The following EPHB3 variants were observed in gnomAD, a reference collection of about 807,000 sequenced individuals.
EPHB3 encodes EPH receptor B3.
A neutral mutation model predicts 100.2 loss-of-function variants in EPHB3; 33 were observed. That is an observed-to-expected ratio of 0.33 (90% CI 0.25 to 0.44). EPHB3 has a LOEUF of 0.44. Among genes scored for constraint, EPHB3 ranks in the 20% least tolerant of loss-of-function variants. The probability of loss-of-function intolerance (pLI) is 1.00; values close to 1 mark genes in which losing one functional copy is unlikely to be tolerated. For missense variants in EPHB3, 1,045 were observed against 1,378.3 expected (o/e 0.76, Z 3.83); for synonymous variants, 526 against 554.7 (o/e 0.95, Z 0.73).
At position 184,577,148 on chromosome 3, in the gene EPHB3, G is replaced by T. The variant is rs370732996; in HGVS notation, c.1319G>T (p.Arg440Leu). The T allele has an allele frequency of 1.2e-6, 2 of 1,608,324 alleles. No individual in the cohort carries two copies. Among genetic ancestry groups the T allele is most frequent in the Non-Finnish European group, 1.7e-6 (2 of 1,176,364 alleles). Residue 440 changes from arginine to leucine, a missense_variant, in exon 5 of 16, where the codon CGT becomes CTT. Coordinates refer to ENST00000330394, the MANE Select transcript of EPHB3 (RefSeq NM_004443.4). The surrounding 1 kb of genome is among the most constrained non-coding windows in gnomAD (Gnocchi z 4.9). Reference sequence around the variant, plus strand: ...TCGGGCAAGAGCCCTCTGCCGCCTCGTTATGCGGCCGTGAATATCACCACA... The same window carrying T: ...TCGGGCAAGAGCCCTCTGCCGCCTCTTTATGCGGCCGTGAATATCACCACA... ...GVSGKSPLPP[R>L]YAAVNITTNQ... is the part of the protein sequence containing the mutation.
At chr3:184,576,033 G>A in intron 4 of EPHB3, 48 bp downstream of exon 4, 1 of 1,551,272 alleles carries the variant, frequency 6.4e-7, no homozygotes. Context: ...CTTCCCTCTG[G>A]GGGGCCAGCC....
intron 1 of EPHB3, among the ~76,000 whole-genome samples, chr3:184,570,446 C>T (rs1254542967): frequency 6.6e-6 from 1 of 152,204 alleles, no homozygotes; most frequent in Non-Finnish European, 1.5e-5. Context: ...AGGGATACAC[C>T]AACAGTACCT....
At position 184,577,488 on chromosome 3, in the gene EPHB3, G is replaced by C; in HGVS notation, c.1479+21G>C. On this transcript the variant is annotated intron_variant, in intron 6 of 15. Coordinates refer to ENST00000330394, the MANE Select transcript of EPHB3 (RefSeq NM_004443.4). The surrounding 1 kb of genome is among the most constrained non-coding windows in gnomAD (Gnocchi z 4.9). ...AGAAGGTCAGAACCTCAAGGGGCAG[G>C]AGGAGGCCTTGGGCTGAGCTGGGCT... 1.2e-6 allele frequency: 2 copies of C among 1,613,670 alleles called. No individual in the cohort carries two copies. Among genetic ancestry groups the C allele is most frequent in the Non-Finnish European group, 8.5e-7 (1 of 1,179,866 alleles).
rs549345218 is a variant in EPHB3, at chr3:184,563,588, C to T, written c.118+1235C>T. On this transcript the variant is annotated intron_variant, in intron 1 of 15. Coordinates refer to ENST00000330394, the MANE Select transcript of EPHB3 (RefSeq NM_004443.4). The surrounding 1 kb of genome is among the most constrained non-coding windows in gnomAD (Gnocchi z 4.1). ...AGACCTCCTATGATCCCCCACCCTC[C>T]TCATCTCTGAGCCTGCTGTGCTGAC... 1.3e-5 allele frequency among the ~76,000 whole-genome samples: 2 copies of T among 152,342 alleles called. No homozygotes were observed. Among genetic ancestry groups the T allele is most frequent in the East Asian group, 1.9e-4 (1 of 5,186 alleles).
At position 184,581,638 on chromosome 3, in the gene EPHB3, G is replaced by A. The variant is rs778920252; in HGVS notation, c.*16G>A. On this transcript the variant is annotated 3_prime_UTR_variant, in exon 16 of 16. Transcript: ENST00000330394. The stretch of plus-strand genomic sequence containing the variant: ...GCAGGTCTGACACCGGCTCCCACGG[G>A]GACCCTGAGGACCGTGCAGGGATGC... 5.7e-6 allele frequency: 9 copies of A among 1,584,846 alleles called. No homozygotes were observed. The highest frequency in any genetic ancestry group is 7.7e-6 in the Non-Finnish European group (9 of 1,167,146).
chr3:184,577,643 C>T lies in EPHB3; in HGVS notation c.1480-15C>T, dbSNP rs569969559. 3.2e-6 allele frequency: 5 copies of T among 1,581,832 alleles called. No homozygotes were observed. The South Asian group carries it at 5.7e-5, about 18-fold the overall frequency. On this transcript the variant is annotated splice_polypyrimidine_tract_variant and intron_variant, in intron 6 of 15. Transcript: ENST00000330394. The surrounding 1 kb of genome is among the most constrained non-coding windows in gnomAD (Gnocchi z 4.9). ...GGACCCACCTGAGGGTGCCCCCTCTCTCCTGGCATTGCAGAGCGAGGGCAT... is the reference window on the plus strand; with the variant it reads ...GGACCCACCTGAGGGTGCCCCCTCTTTCCTGGCATTGCAGAGCGAGGGCAT...
At chr3:184,568,447 C>T (rs1207176478) in intron 1 of EPHB3, among the ~76,000 whole-genome samples, 3 of 152,202 alleles carry the variant, frequency 2.0e-5, no homozygotes, top group Non-Finnish European at 2.9e-5. Flanking sequence ...TGTCTTTACC[C>T]GCTGCCCCTC....
At chr3:184,576,166 C>G (rs145930242) in intron 4 of EPHB3, among the ~76,000 whole-genome samples, 181 bp downstream of exon 4, 220 of 152,340 alleles carry the variant, frequency 1.4e-3, no homozygotes, top group African/African-American at 4.2e-3. Context: ...GAGCCAGAAT[C>G]CAGGTCAGCC....
At chr3:184,568,101 G>A (rs555480132) in intron 1 of EPHB3, among the ~76,000 whole-genome samples, 1 of 152,264 alleles carries the variant, frequency 6.6e-6, no homozygotes, top group African/African-American at 2.4e-5. Context: ...CAGCCCCCAG[G>A]ACTGGATGCT....
chr3:184,580,732 G>A lies in EPHB3; in HGVS notation c.2392G>A (p.Gly798Arg), dbSNP rs752387778. 6.2e-6 allele frequency: 10 copies of A among 1,613,708 alleles called. No individual in the cohort carries two copies. The highest frequency in any genetic ancestry group is 3.3e-5 in the South Asian group (3 of 91,058). The change falls in exon 13 of 16, where the codon GGG becomes AGG. Residue 798 changes from glycine to arginine, a missense_variant. Gly to Arg is a moderately radical substitution (Grantham distance 125). Around this residue, in one of 2 missense-constraint regions of EPHB3, gnomAD observed 985 missense variants for 1,331.1 expected, o/e 0.74. Transcript: ENST00000330394. ...GGGCCTGTGCCCCCCTCACCAGGGCGGGAAGATCCCCATCCGCTGGACTGC... is the reference window on the plus strand; with the variant it reads ...GGGCCTGTGCCCCCCTCACCAGGGCAGGAAGATCCCCATCCGCTGGACTGC... The part of the protein sequence containing the change: ...SDPTYTSSLG[G>R]KIPIRWTAPE...
intron 3 of EPHB3, chr3:184,575,319 CAGG>C: frequency 3.7e-6 from 3 of 816,840 alleles, no homozygotes; most frequent in Non-Finnish European, 4.4e-6. Context: ...CAAGGGCAGA[CAGG>C]AGCTGCTGCC....
In EPHB3 at chr3:184,562,271, G is replaced by A. The variant is rs1237581950; in HGVS notation, c.36G>A (p.Pro12=). The A allele has an allele frequency of 8.4e-7, 1 of 1,191,114 alleles. No homozygotes were observed. The highest frequency in any genetic ancestry group is 3.5e-5 in the South Asian group (1 of 28,882). 73.8% of individuals were successfully genotyped at this position (1,191,114 alleles called of 1,614,324 possible). ...ARARPPPPPS[P]PPGLLPLLPP... is the part of the protein sequence containing the mutation. ...CCCGCCCGCCGCCGCCGCCGTCGCC[G>A]CCGCCGGGGCTTCTGCCGCTGCTCC... is the stretch of plus-strand genomic sequence containing the variant. Residue 12 remains proline, a synonymous_variant, in exon 1 of 16, where the codon CCG becomes CCA. Coordinates refer to ENST00000330394, the MANE Select transcript of EPHB3 (RefSeq NM_004443.4). This position sits in a 1 kb window ranked among gnomAD's most constrained non-coding sequence, Gnocchi z 4.8.
rs755998821 is a variant in EPHB3, at chr3:184,578,379, G to T, written c.1749-35G>T. The T allele has an allele frequency of 6.2e-7, 1 of 1,613,532 alleles. No individual in the cohort carries two copies. The highest frequency in any genetic ancestry group is 1.3e-5 in the African/African-American group (1 of 74,902). Reference sequence around the variant, plus strand: ...CTGAACAAAGGGAGGCAGATGACTTGTCTCAGGCCTGCCCTCCACCCTGCC... The same window carrying T: ...CTGAACAAAGGGAGGCAGATGACTTTTCTCAGGCCTGCCCTCCACCCTGCC... On this transcript the variant is annotated intron_variant, in intron 8 of 15. Coordinates refer to ENST00000330394, the MANE Select transcript of EPHB3 (RefSeq NM_004443.4). The surrounding 1 kb of genome is among the most constrained non-coding windows in gnomAD (Gnocchi z 4.7).
intron 4 of EPHB3, 131 bp from the exon 5 acceptor site, chr3:184,576,711 C>A: frequency 1.2e-6 from 1 of 844,742 alleles, no homozygotes; most frequent in South Asian, 2.3e-5. Context: ...AATGTAGGAA[C>A]GTTATTCTGC....
intron 11 of EPHB3, 97 bp from the exon 12 acceptor site, chr3:184,580,305 C>A (rs967402240): frequency 2.7e-6 from 4 of 1,478,298 alleles, no homozygotes; most frequent in Non-Finnish European, 3.7e-6. Flanking sequence ...GCAGGAGAGA[C>A]GAGGTAGAGT....
rs1487073603 is a variant in EPHB3, at chr3:184,577,233, G to A, written c.1354+50G>A. The A allele has an allele frequency of 1.3e-6, 2 of 1,571,530 alleles. No individual in the cohort carries two copies. The highest frequency in any genetic ancestry group is 1.8e-5 in the Admixed American group (1 of 56,632). ...GGGCCTGGGTCACTTTCTCCTGGAT[G>A]AGGTGTCCCAGGACCTGCTAAGGGA... On this transcript the variant is annotated intron_variant, in intron 5 of 15. Coordinates refer to ENST00000330394, the MANE Select transcript of EPHB3 (RefSeq NM_004443.4). This position sits in a 1 kb window ranked among gnomAD's most constrained non-coding sequence, Gnocchi z 4.9.
intron 1 of EPHB3, among the ~76,000 whole-genome samples, chr3:184,564,061 GC>G (rs1646331296): frequency 6.6e-6 from 1 of 152,194 alleles, no homozygotes; most frequent in African/African-American, 2.4e-5. Context: ...AGGAGTCCAG[GC>G]CCTAGCAGGA....
chr3:184,581,305 A>G lies in EPHB3; in HGVS notation c.2785A>G (p.Thr929Ala), dbSNP rs1714814921. 6.2e-7 allele frequency: 1 copy of G among 1,608,628 alleles called. No homozygotes were observed. Among genetic ancestry groups the G allele is most frequent in the Admixed American group, 1.7e-5 (1 of 59,760 alleles). The change falls in exon 15 of 16, where the codon ACA becomes GCA. Residue 929 changes from threonine (T) to alanine (A), a missense_variant. This residue lies in a region of EPHB3 where 985 missense variants were observed against 1,331.1 expected (regional missense o/e 0.74). Coordinates refer to ENST00000330394, the MANE Select transcript of EPHB3 (RefSeq NM_004443.4). Reference protein sequence around the residue: ...RTVPDYTTFTTVGDWLDAIKM... With the variant: ...RTVPDYTTFTAVGDWLDAIKM... ...GGTCCCAGATTACACAACCTTCACGACAGTTGGTGATTGGCTGGATGCCAT... is the reference window on the plus strand; with the variant it reads ...GGTCCCAGATTACACAACCTTCACGGCAGTTGGTGATTGGCTGGATGCCAT...
rs1215405583 is a variant in EPHB3 at position 184,577,343 on chromosome 3, C to T, written c.1355C>T (p.Ala452Val). 1 of 1,613,298 alleles carries T rather than the reference C, an allele frequency of 6.2e-7. No homozygotes were observed. ...CTGGTGAGCCCTCTGCTCTTCCCAG[C>T]CCCGTCTGAAGTGCCCACACTACGC... ...AAVNITTNQAAPSEVPTLRLH... is the reference protein window; with the variant it reads ...AAVNITTNQAVPSEVPTLRLH... The change falls in exon 6 of 16, where the codon GCC becomes GTC. Residue 452 changes from alanine (A) to valine (V), a missense_variant and splice_region_variant. Transcript: ENST00000330394. The surrounding 1 kb of genome is among the most constrained non-coding windows in gnomAD (Gnocchi z 4.9).
Sources: gnomAD v4.1 joint callset for allele counts (sites outside exome capture counted in the v4.1 genomes callset) on GRCh38, gnomAD v4.1.1 for gene constraint, gnomAD v4.1.1 regional missense constraint, Gnocchi (gnomAD v3.1) non-coding constraint, MANE v1.5 for transcripts, NCBI Gene and HGNC (gene_info 2026-07-23, HGNC 2026-07-21) for gene names.